PKIA: variants seen among roughly 807,000 people sequenced by gnomAD.
PKIA encodes the protein cAMP-dependent protein kinase inhibitor alpha.
Under a neutral mutation model 7.6 loss-of-function variants are expected in PKIA, and 4 were observed. The ratio of observed to expected loss-of-function variants is 0.52; its 90% CI spans 0.26 to 1.20. PKIA has a LOEUF of 1.20. Among genes scored for constraint, PKIA ranks in the 50% most tolerant of loss-of-function variants. The pLI is 0.13. For synonymous variants in PKIA, 21 were observed against 30.7 expected, an observed-to-expected ratio of 0.68 and a Z score of 1.04; for missense variants, 73 against 86.2, an observed-to-expected ratio of 0.85 and a Z score of 0.61.
chr8:78,553,474 T>A (rs1301303423), intron 1 of PKIA, among the ~76,000 whole-genome samples: 1 of 152,016 alleles, frequency 6.6e-6, no homozygotes, highest in Non-Finnish European at 1.5e-5. Flanking sequence ...TTTTTTCTCA[T>A]AGAAGAATTG....
rs1269064392 is a variant in PKIA, at chr8:78,557,104, TCA to T, written c.-156-15704_-156-15703del. Reference sequence around the variant, plus strand: ...TATCAGAAAGCCCATCTCACCAACTTCACAGTCAGATAATTCTTGTTATGATC... The same window carrying T: ...TATCAGAAAGCCCATCTCACCAACTTCAGTCAGATAATTCTTGTTATGATC... On this transcript the variant is annotated intron_variant, in intron 1 of 3. Coordinates refer to ENST00000396418, the MANE Select transcript of PKIA (RefSeq NM_006823.4). 4.6e-5 allele frequency among the ~76,000 whole-genome samples: 7 copies of T among 152,094 alleles called. 1 individual carries two copies. The highest frequency in any genetic ancestry group is 4.1e-4 in the South Asian group (2 of 4,824).
chr8:78,531,782 AAGG>A (rs1806392784), intron 1 of PKIA, among the ~76,000 whole-genome samples: 1 of 152,018 alleles, frequency 6.6e-6, no homozygotes, highest in Admixed American at 6.6e-5. Context: ...AAAGAAAGGG[AAGG>A]AGGAGAGAGA....
At chr8:78,593,215 C>T (rs926226857) in intron 2 of PKIA, among the ~76,000 whole-genome samples, 4 of 152,168 alleles carry the variant, frequency 2.6e-5, no homozygotes, top group East Asian at 3.9e-4. Context: ...CTCCGCCACC[C>T]GGGTTCAAGC....
chr8:78,566,769 A>G (rs1807426005), intron 1 of PKIA, among the ~76,000 whole-genome samples: 1 of 152,184 alleles, frequency 6.6e-6, no homozygotes, highest in Non-Finnish European at 1.5e-5. Context: ...GACATTGCCT[A>G]CAACCAATGT....
chr8:78,566,671 C>T (rs753825949), intron 1 of PKIA, among the ~76,000 whole-genome samples: 36 of 152,034 alleles, frequency 2.4e-4, no homozygotes, highest in Non-Finnish European at 4.0e-4. Flanking sequence ...GCTTTATAGG[C>T]AGAAATAACA....
chr8:78,532,200 T>G (rs2118365406), intron 1 of PKIA, among the ~76,000 whole-genome samples: 1 of 152,206 alleles, frequency 6.6e-6, no homozygotes, highest in Middle Eastern at 3.4e-3. Flanking sequence ...CTACCTTTTC[T>G]TAAAATTATT....
chr8:78,559,733 A>G (rs548972596), intron 1 of PKIA, among the ~76,000 whole-genome samples: 84 of 152,296 alleles, frequency 5.5e-4, no homozygotes, highest in African/African-American at 1.5e-3. Flanking sequence ...AGTTCTTTTT[A>G]TCTGTAGTTA....
intron 1 of PKIA, among the ~76,000 whole-genome samples, chr8:78,524,876 T>C (rs976500379): frequency 6.6e-6 from 1 of 151,926 alleles, no homozygotes; most frequent in Non-Finnish European, 1.5e-5. Flanking sequence ...ATGGCTTTAA[T>C]ACAGGAGATT....
chr8:78,535,313 T>C (rs1016060019), intron 1 of PKIA: 1 of 152,118 alleles, frequency 6.6e-6, no homozygotes, highest in South Asian at 2.1e-4. Flanking sequence ...TAAAAAGCTA[T>C]TCAAATTTAC....
At chr8:78,561,540 C>G (rs1807287214) in intron 1 of PKIA, among the ~76,000 whole-genome samples, 1 of 151,864 alleles carries the variant, frequency 6.6e-6, no homozygotes, top group Non-Finnish European at 1.5e-5. Context: ...GTACATCTCA[C>G]ATAAATCTAG....
At chr8:78,593,236 C>T (rs1341372120) in intron 2 of PKIA, among the ~76,000 whole-genome samples, 3 of 152,146 alleles carry the variant, frequency 2.0e-5, no homozygotes, top group Non-Finnish European at 4.4e-5. Flanking sequence ...GATTCTCCTG[C>T]CTCAGCCTCC....
chr8:78,565,045 T>G (rs1807370383), intron 1 of PKIA, among the ~76,000 whole-genome samples: 1 of 151,910 alleles, frequency 6.6e-6, no homozygotes, highest in Non-Finnish European at 1.5e-5. Flanking sequence ...TTTGGCCCCT[T>G]TTTAAAGACT....
At chr8:78,570,285 C>G (rs142398434) in intron 1 of PKIA, among the ~76,000 whole-genome samples, 6 of 152,186 alleles carry the variant, frequency 3.9e-5, no homozygotes, top group Non-Finnish European at 7.4e-5. Flanking sequence ...GTCTGAAAAG[C>G]AGATAGAGAG....
At chr8:78,558,208 T>C (rs1490756615) in intron 1 of PKIA, among the ~76,000 whole-genome samples, 1 of 152,176 alleles carries the variant, frequency 6.6e-6, no homozygotes, top group Non-Finnish European at 1.5e-5. Context: ...AAAATATCTA[T>C]TATCTCCAAT....
At position 78,603,474 on chromosome 8, in the gene PKIA, T is replaced by C. The variant is rs1375697713; in HGVS notation, c.*1653T>C. The C allele has an allele frequency of 6.6e-6, 1 of 151,926 alleles. No individual in the cohort carries two copies. Among genetic ancestry groups the C allele is most frequent in the East Asian group, 1.9e-4 (1 of 5,178 alleles). 9.4% of individuals were successfully genotyped at this position (151,926 alleles called of 1,614,324 possible). The stretch of plus-strand genomic sequence containing the variant: ...GACTGGAATAAGGGCATGGTTGCAT[T>C]TAGTACTCAATCAGATATTACTAGA... On this transcript the variant is annotated 3_prime_UTR_variant, in exon 4 of 4. Coordinates refer to ENST00000396418, the MANE Select transcript of PKIA (RefSeq NM_006823.4).
rs759971804 is a variant in PKIA, at chr8:78,602,696, T to TAC, written c.*876_*877insCA. 529 of 144,162 alleles carry TAC rather than the reference T, an allele frequency of 3.7e-3. 8 individuals carry two copies. Among genetic ancestry groups the TAC allele is most frequent in the African/African-American group, 0.013 (494 of 38,448 alleles). The allele number at this position is 144,162 out of a possible 1,614,324, so 8.9% of individuals were successfully genotyped here. A position where few individuals can be genotyped will look rare whatever the true frequency, so the allele number is the denominator to read the frequency against. On this transcript the variant is annotated 3_prime_UTR_variant, in exon 4 of 4. Coordinates refer to ENST00000396418, the MANE Select transcript of PKIA (RefSeq NM_006823.4). ...CAAGTGGAGAACTTCTCCCACATAA[T>TAC]ATATATATATATATATATTTTAATT...
rs530030996 is a variant in PKIA at position 78,527,542 on chromosome 8, T to C, written c.-157+11074T>C. 6.6e-5 allele frequency among the ~76,000 whole-genome samples: 10 copies of C among 152,220 alleles called. No individual in the cohort carries two copies. The South Asian group carries it at 2.1e-3, about 32-fold the overall frequency. The stretch of plus-strand genomic sequence containing the variant: ...AGTTTAACAAGGAAAACTTATTTTT[T>C]CACTGGCAGTTTGTTTTTCAAAGTT... On this transcript the variant is annotated intron_variant, in intron 1 of 3. Coordinates refer to ENST00000396418, the MANE Select transcript of PKIA (RefSeq NM_006823.4).
In PKIA at chr8:78,523,645, A is replaced by G. The variant is rs140251672; in HGVS notation, c.-157+7177A>G. On this transcript the variant is annotated intron_variant, in intron 1 of 3. Coordinates refer to ENST00000396418, the MANE Select transcript of PKIA (RefSeq NM_006823.4). ...ACAGCTTCTCTGATAATTGAAATGT[A>G]GAGGAAAATAACCTGAATGTTAAGA... is the stretch of plus-strand genomic sequence containing the variant. Among the ~76,000 whole-genome samples, 1,328 of 151,944 alleles carry G rather than the reference A, an allele frequency of 8.7e-3. 66 individuals are homozygous for G. The highest frequency in any genetic ancestry group is 0.073 in the Admixed American group (1,114 of 15,196).
chr8:78,520,891 C>A (rs1452210702), intron 1 of PKIA, among the ~76,000 whole-genome samples: 1 of 152,074 alleles, frequency 6.6e-6, no homozygotes. Flanking sequence ...CCTTACATTT[C>A]CAGTACTTGA....
Sources: allele counts gnomAD v4.1 joint callset (sites outside exome capture counted in the v4.1 genomes callset), GRCh38; gene constraint gnomAD v4.1.1; transcripts MANE v1.5; gene names NCBI Gene and HGNC (gene_info 2026-07-23, HGNC 2026-07-21).